GALNT13: variants seen among roughly 807,000 people sequenced by gnomAD.
The protein encoded by GALNT13 is polypeptide N-acetylgalactosaminyltransferase 13.
GALNT13 carries 28 observed loss-of-function variants against 64.2 expected under a neutral mutation model. That is an observed-to-expected ratio of 0.44 (90% CI 0.32 to 0.60). The LOEUF (loss-of-function observed/expected upper bound fraction) is 0.60, where lower values mean the gene tolerates loss of function less well. Among genes scored for constraint, GALNT13 ranks in the 20% least tolerant of loss-of-function variants. The pLI is 0.05. For missense variants in GALNT13, 577 were observed against 669.8 expected (o/e 0.86, Z 1.53); for synonymous variants, 214 against 224.6 (o/e 0.95, Z 0.42).
At chr2:154,247,565 AAGAGG>A (rs1374345621) in intron 7 of GALNT13, among the ~76,000 whole-genome samples, 1 of 152,058 alleles carries the variant, frequency 6.6e-6, no homozygotes, top group Non-Finnish European at 1.5e-5. Flanking sequence ...GAAGATAACT[AAGAGG>A]TAGCCAGCAT....
At chr2:153,396,274 T>G in the GALNT13 span, among the ~76,000 whole-genome samples, 2 of 152,128 alleles carry the variant, frequency 1.3e-5, no homozygotes, top group Admixed American at 1.3e-4. Context: ...GAGACAAAAA[T>G]TTTTGCCCAA....
At chr2:153,157,495 C>CT in the GALNT13 span, among the ~76,000 whole-genome samples, 2 of 152,044 alleles carry the variant, frequency 1.3e-5, no homozygotes, top group African/African-American at 4.8e-5. Flanking sequence ...TTATTAATTG[C>CT]TTTTTTCAAG....
chr2:153,280,372 TG>T, the GALNT13 span, among the ~76,000 whole-genome samples: 165 of 152,272 alleles, frequency 1.1e-3, 1 homozygote, highest in African/African-American at 3.9e-3. Context: ...CATTTAGTTC[TG>T]GTCTGGTTTT....
chr2:154,051,386 G>C (rs925478910), intron 3 of GALNT13, among the ~76,000 whole-genome samples: 1 of 149,764 alleles, frequency 6.7e-6, no homozygotes, highest in Non-Finnish European at 1.5e-5. Context: ...CGCTTCCCGG[G>C]TTCACGCCAT....
the GALNT13 span, among the ~76,000 whole-genome samples, chr2:153,260,520 T>C: frequency 6.6e-6 from 1 of 152,320 alleles, no homozygotes; most frequent in South Asian, 2.1e-4. Flanking sequence ...ATATGTCATG[T>C]CATGCTCTCC....
chr2:153,760,633 A>C, the GALNT13 span, among the ~76,000 whole-genome samples: 1 of 152,232 alleles, frequency 6.6e-6, no homozygotes, highest in African/African-American at 2.4e-5. Flanking sequence ...CAATCTGTTC[A>C]GACTTGTTTT....
At chr2:154,262,395 C>G (rs1053692470) in intron 8 of GALNT13, among the ~76,000 whole-genome samples, 1 of 152,174 alleles carries the variant, frequency 6.6e-6, no homozygotes, top group African/African-American at 2.4e-5. Flanking sequence ...ATGCTTCTCT[C>G]GTCTATAATC....
chr2:154,056,430 C>T (rs1009193231), intron 3 of GALNT13, among the ~76,000 whole-genome samples: 15 of 152,102 alleles, frequency 9.9e-5, no homozygotes, highest in African/African-American at 3.6e-4. Flanking sequence ...GTAGTTAATA[C>T]ATTAGCTGAT....
At chr2:154,041,128 A>G (rs1364473859) in intron 3 of GALNT13, among the ~76,000 whole-genome samples, 3 of 140,588 alleles carry the variant, frequency 2.1e-5, no homozygotes, top group Non-Finnish European at 4.9e-5. Flanking sequence ...TTCAGGGATT[A>G]TATTGTTCTT....
chr2:153,402,479 T>G, the GALNT13 span, among the ~76,000 whole-genome samples: 1 of 152,002 alleles, frequency 6.6e-6, no homozygotes, highest in Non-Finnish European at 1.5e-5. Context: ...TGGCCTGCCT[T>G]GCTAGATTGG....
At chr2:153,877,213 C>T (rs568711617) in intron 1 of GALNT13, among the ~76,000 whole-genome samples, 15 of 152,100 alleles carry the variant, frequency 9.9e-5, no homozygotes, top group African/African-American at 2.6e-4. Context: ...AAGATATGCT[C>T]ATTGTTAAGA....
the GALNT13 span, among the ~76,000 whole-genome samples, chr2:153,091,496 G>A: frequency 6.6e-6 from 1 of 152,150 alleles, no homozygotes; most frequent in Non-Finnish European, 1.5e-5. Context: ...ATTTGCAGTG[G>A]CATGCTGCTC....
the GALNT13 span, among the ~76,000 whole-genome samples, chr2:153,740,810 T>A: frequency 1.3e-5 from 2 of 152,154 alleles, no homozygotes; most frequent in African/African-American, 4.8e-5. Context: ...CATATATGCT[T>A]TGTTCATTTT....
intron 3 of GALNT13, among the ~76,000 whole-genome samples, chr2:154,002,344 A>T (rs1596637): frequency 1.3e-5 from 2 of 149,760 alleles, no homozygotes; most frequent in Admixed American, 6.7e-5. Context: ...GGCCTTTTTC[A>T]CTCTTTCTTG....
At chr2:153,360,833 TC>T in the GALNT13 span, among the ~76,000 whole-genome samples, 1 of 151,918 alleles carries the variant, frequency 6.6e-6, no homozygotes, top group South Asian at 2.1e-4. Context: ...TGAGTGGGAT[TC>T]CCCCCAGCAT....
chr2:153,242,890 A>G, the GALNT13 span, among the ~76,000 whole-genome samples: 6 of 152,234 alleles, frequency 3.9e-5, no homozygotes, highest in Non-Finnish European at 8.8e-5. Context: ...TTGAAGGAAA[A>G]TAAATCCCTC....
the GALNT13 span, among the ~76,000 whole-genome samples, chr2:153,148,541 C>T: frequency 2.1e-5 from 3 of 144,376 alleles, no homozygotes; most frequent in Non-Finnish European, 3.0e-5. Context: ...GAAGATAGAA[C>T]GCAAGACTTT....
intron 9 of GALNT13, among the ~76,000 whole-genome samples, chr2:154,308,276 G>T (rs568885854): frequency 6.6e-6 from 1 of 151,936 alleles, no homozygotes; most frequent in Non-Finnish European, 1.5e-5. Context: ...CTCCCTATTC[G>T]TTAACCTTTT....
chr2:153,867,054 A>G (rs993211839), upstream of GALNT13, among the ~76,000 whole-genome samples: 1 of 152,262 alleles, frequency 6.6e-6, no homozygotes, highest in African/African-American at 2.4e-5. Flanking sequence ...GTGCATTATA[A>G]GAACAGTCAA....
Sources: gnomAD v4.1 joint callset for allele counts (sites outside exome capture counted in the v4.1 genomes callset) on GRCh38, gnomAD v4.1.1 for gene constraint, MANE v1.5 for transcripts, NCBI Gene and HGNC (gene_info 2026-07-23, HGNC 2026-07-21) for gene names.